MAGI1: variants seen among roughly 807,000 people sequenced by gnomAD.
MAGI1 encodes membrane-associated guanylate kinase, WW and PDZ domain-containing protein 1.
In MAGI1, 58 loss-of-function variants were observed where a neutral mutation model predicts 139.9. That is an observed-to-expected ratio of 0.41 (90% CI 0.34 to 0.52). The LOEUF (loss-of-function observed/expected upper bound fraction) is 0.52. Among genes scored for constraint, MAGI1 ranks in the 20% least tolerant of loss-of-function variants. The pLI is 0.12. For missense variants in MAGI1, 1,874 were observed against 1,901.6 expected (o/e 0.99, Z 0.27); for synonymous variants, 812 against 737.9 (o/e 1.10, Z -1.63).
chr3:65,716,278 C>A (rs1448871490), intron 1 of MAGI1, among the ~76,000 whole-genome samples: 2 of 152,088 alleles, frequency 1.3e-5, no homozygotes, highest in Non-Finnish European at 2.9e-5. Flanking sequence ...GATTGTAATC[C>A]CAAAGGGATT....
chr3:65,767,381 G>A (rs1334204526), intron 1 of MAGI1, among the ~76,000 whole-genome samples: 1 of 151,848 alleles, frequency 6.6e-6, no homozygotes, highest in Non-Finnish European at 1.5e-5. Context: ...ACATTAGGTA[G>A]ATCATTAGAG....
chr3:65,759,208 T>C (rs1236971827), intron 1 of MAGI1, among the ~76,000 whole-genome samples: 1 of 151,628 alleles, frequency 6.6e-6, no homozygotes, highest in Admixed American at 6.6e-5. Flanking sequence ...TTCTTCTCAA[T>C]ACATGATGCC....
intron 1 of MAGI1, among the ~76,000 whole-genome samples, chr3:65,836,584 G>A (rs1314520383): frequency 6.7e-6 from 1 of 149,994 alleles, no homozygotes. Context: ...ACTTTGGGAG[G>A]CTGAGGCGGG....
At chr3:65,509,899 T>G (rs551807502) in intron 2 of MAGI1, among the ~76,000 whole-genome samples, 31 of 152,220 alleles carry the variant, frequency 2.0e-4, no homozygotes, top group Non-Finnish European at 4.1e-4. Context: ...GACTTAAGTG[T>G]CCCTGTCTGA....
Position 65,795,696 on chromosome 3 carries a change from TACAC to T in MAGI1, c.314-173612_314-173609del, listed in dbSNP as rs10527666. ...GAAACAGAACCATAAGATGATAAGA[TACAC>T]ACACACACACACACACACACACACA... On this transcript the variant is annotated intron_variant, in intron 1 of 22. Transcript: ENST00000402939. 3.8e-3 allele frequency among the ~76,000 whole-genome samples: 527 copies of T among 138,994 alleles called. 1 individual carries two copies. The highest frequency in any genetic ancestry group is 0.012 in the African/African-American group (453 of 37,662). The allele number at this position is 138,994 out of a possible 152,430, so 91.2% of individuals were successfully genotyped here.
chr3:65,933,226 T>C (rs183931389), intron 1 of MAGI1, among the ~76,000 whole-genome samples: 2 of 152,296 alleles, frequency 1.3e-5, no homozygotes, highest in East Asian at 3.9e-4. Context: ...ACAATAAGCA[T>C]TTATTATCTC....
At chr3:65,841,377 G>A (rs955629706) in intron 1 of MAGI1, among the ~76,000 whole-genome samples, 3 of 151,362 alleles carry the variant, frequency 2.0e-5, no homozygotes, top group Non-Finnish European at 4.4e-5. Context: ...ACTGTTATTT[G>A]AAATTTTCCT....
chr3:65,785,750 G>T (rs1381616202), intron 1 of MAGI1, among the ~76,000 whole-genome samples: 1 of 152,006 alleles, frequency 6.6e-6, no homozygotes, highest in Non-Finnish European at 1.5e-5. Context: ...TTAAATTTCA[G>T]AAAAAATTTC....
chr3:65,416,905 T>C (rs1946260600), intron 12 of MAGI1, among the ~76,000 whole-genome samples: 1 of 152,182 alleles, frequency 6.6e-6, no homozygotes, highest in Admixed American at 6.5e-5. Context: ...GGTAGAAGTT[T>C]TAACTTTACA....
At chr3:65,718,775 A>G (rs1369411692) in intron 1 of MAGI1, among the ~76,000 whole-genome samples, 3 of 152,146 alleles carry the variant, frequency 2.0e-5, no homozygotes, top group South Asian at 4.1e-4. Context: ...CCCAGAAACA[A>G]CATATTTGTC....
At chr3:65,558,122 A>G (rs574550158) in intron 2 of MAGI1, among the ~76,000 whole-genome samples, 1 of 152,312 alleles carries the variant, frequency 6.6e-6, no homozygotes, top group South Asian at 2.1e-4. Flanking sequence ...CCCTTGAAGG[A>G]TAATTATCAT....
intron 18 of MAGI1, among the ~76,000 whole-genome samples, chr3:65,368,271 A>G (rs1559901048): frequency 6.6e-6 from 1 of 152,224 alleles, no homozygotes; most frequent in Admixed American, 6.5e-5. Flanking sequence ...TGCAAGGCAC[A>G]TGGACAGATT....
Position 65,904,125 on chromosome 3 carries a change from T to C in MAGI1, c.313+133871A>G, listed in dbSNP as rs534434812. 3.3e-5 allele frequency among the ~76,000 whole-genome samples: 5 copies of C among 152,294 alleles called. No homozygotes were observed. The South Asian group carries it at 1.0e-3, about 32-fold the overall frequency. Reference sequence around the variant, plus strand: ...TGAGGAAGCTGTCAAGATTGTGCCATAACTTTTTGATTCAGTTCTCAACTT... The same window carrying C: ...TGAGGAAGCTGTCAAGATTGTGCCACAACTTTTTGATTCAGTTCTCAACTT... On this transcript the variant is annotated intron_variant, in intron 1 of 22. Coordinates refer to ENST00000402939, the MANE Select transcript of MAGI1 (RefSeq NM_001033057.2).
intron 1 of MAGI1, among the ~76,000 whole-genome samples, chr3:65,642,837 C>T (rs908844262): frequency 2.0e-5 from 3 of 152,106 alleles, no homozygotes; most frequent in Non-Finnish European, 4.4e-5. Context: ...ATAGGTATTA[C>T]CTGCCTGGAA....
intron 7 of MAGI1, among the ~76,000 whole-genome samples, chr3:65,444,725 C>A (rs1439011962): frequency 6.6e-6 from 1 of 152,042 alleles, no homozygotes; most frequent in African/African-American, 2.4e-5. Context: ...AAAGAAGGTA[C>A]CCGTGACTTC....
intron 1 of MAGI1, among the ~76,000 whole-genome samples, chr3:65,663,887 A>G (rs1017655319): frequency 6.6e-6 from 1 of 152,248 alleles, no homozygotes; most frequent in Non-Finnish European, 1.5e-5. Flanking sequence ...AGGGATCAAA[A>G]GCAACCCCAC....
intron 12 of MAGI1, among the ~76,000 whole-genome samples, chr3:65,429,240 G>A (rs1947301294): frequency 6.6e-6 from 1 of 152,044 alleles, no homozygotes; most frequent in African/African-American, 2.4e-5. Context: ...CAGGACTACA[G>A]GTGGGTACCA....
intron 2 of MAGI1, among the ~76,000 whole-genome samples, chr3:65,570,971 A>G (rs2108068856): frequency 6.6e-6 from 1 of 152,316 alleles, no homozygotes; most frequent in South Asian, 2.1e-4. Context: ...ATCTGTAGAA[A>G]CGGAGGCTTA....
At chr3:65,555,329 T>C (rs933693662) in intron 2 of MAGI1, among the ~76,000 whole-genome samples, 6 of 149,636 alleles carry the variant, frequency 4.0e-5, no homozygotes, top group African/African-American at 1.3e-4. Flanking sequence ...AGAATAGCTA[T>C]GAGGCCATGC....
Sources: allele counts gnomAD v4.1 joint callset (sites outside exome capture counted in the v4.1 genomes callset), GRCh38; gene constraint gnomAD v4.1.1; transcripts MANE v1.5; gene names NCBI Gene and HGNC (gene_info 2026-07-23, HGNC 2026-07-21).